The following PEX5L variants were observed in gnomAD, a reference collection of about 807,000 sequenced individuals.
The protein encoded by PEX5L is peroxisomal biogenesis factor 5 like, also known as PEX5-related protein.
PEX5L carries 30 observed loss-of-function variants against 84.0 expected under a neutral mutation model. That is an observed-to-expected ratio of 0.36 (90% CI 0.27 to 0.48). The LOEUF (loss-of-function observed/expected upper bound fraction) is 0.48. Among genes scored for constraint, PEX5L ranks in the 20% least tolerant of loss-of-function variants. The pLI is 0.99. For missense variants in PEX5L, 533 were observed against 754.6 expected (o/e 0.71, Z 3.44); for synonymous variants, 270 against 283.1 (o/e 0.95, Z 0.46).
At chr3:179,956,291 G>T (rs1314240215) in intron 2 of PEX5L, among the ~76,000 whole-genome samples, 1 of 152,020 alleles carries the variant, frequency 6.6e-6, no homozygotes, top group Non-Finnish European at 1.5e-5. Context: ...TTCTTTATCA[G>T]TTTAAGAGTT....
chr3:179,859,038 A>G (rs750836340), intron 8 of PEX5L, 24 bp downstream of exon 8: 3 of 1,530,476 alleles, frequency 2.0e-6, no homozygotes, highest in East Asian at 4.5e-5. Flanking sequence ...TGAAACAGAA[A>G]AAACTAATTT....
chr3:179,964,721 G>C (rs540310283), intron 2 of PEX5L, among the ~76,000 whole-genome samples: 1 of 152,220 alleles, frequency 6.6e-6, no homozygotes, highest in East Asian at 1.9e-4. Context: ...CTAATCACTA[G>C]AGAAATGCAT....
chr3:180,033,155 T>C (rs1179408628), intron 1 of PEX5L, among the ~76,000 whole-genome samples: 2 of 152,172 alleles, frequency 1.3e-5, no homozygotes, highest in African/African-American at 4.8e-5. Flanking sequence ...TAAAGTCATA[T>C]AGAAAAACAA....
At chr3:179,911,758 T>C (rs1765257935) in intron 2 of PEX5L, among the ~76,000 whole-genome samples, 1 of 152,156 alleles carries the variant, frequency 6.6e-6, no homozygotes, top group Admixed American at 6.5e-5. Context: ...GACTCCAAGG[T>C]ACCGTAAGAT....
At chr3:179,968,713 G>A (rs1783979594) in intron 2 of PEX5L, among the ~76,000 whole-genome samples, 1 of 131,886 alleles carries the variant, frequency 7.6e-6, no homozygotes, top group African/African-American at 2.7e-5. Context: ...GTGTGTGTGT[G>A]TGTGTGTGTC....
intron 7 of PEX5L, among the ~76,000 whole-genome samples, chr3:179,873,255 T>G (rs975781715): frequency 3.3e-5 from 5 of 152,224 alleles, no homozygotes; most frequent in African/African-American, 9.6e-5. Context: ...TGAGCTAATA[T>G]GTAAGAAGTC....
intron 2 of PEX5L, among the ~76,000 whole-genome samples, chr3:179,905,341 T>C (rs1433554021): frequency 4.0e-5 from 6 of 151,824 alleles, no homozygotes; most frequent in Non-Finnish European, 8.8e-5. Context: ...GGCGCGATCT[T>C]GGCTCACTGC....
intron 1 of PEX5L, among the ~76,000 whole-genome samples, chr3:180,009,401 A>G (rs1221921265): frequency 1.3e-5 from 2 of 152,218 alleles, no homozygotes; most frequent in African/African-American, 4.8e-5. Flanking sequence ...ATCACTTATT[A>G]GATTATATTC....
chr3:179,853,132 A>G (rs1183855796), intron 8 of PEX5L, among the ~76,000 whole-genome samples: 1 of 152,162 alleles, frequency 6.6e-6, no homozygotes, highest in Non-Finnish European at 1.5e-5. Context: ...GGTAAGCTAT[A>G]CTTGAGTGAT....
chr3:180,024,544 CAAA>C (rs59981273), intron 1 of PEX5L, among the ~76,000 whole-genome samples: 33 of 107,188 alleles, frequency 3.1e-4, no homozygotes, highest in African/African-American at 8.3e-4. Flanking sequence ...GACTCCGTTT[CAAA>C]AAAAAAAAAA....
intron 7 of PEX5L, among the ~76,000 whole-genome samples, chr3:179,868,770 T>G (rs538582921): frequency 6.6e-6 from 1 of 152,222 alleles, no homozygotes. Context: ...CCAAGCCTCT[T>G]CCTTTCTCCC....
chr3:179,944,470 C>G (rs529889128), intron 2 of PEX5L, among the ~76,000 whole-genome samples: 34 of 152,280 alleles, frequency 2.2e-4, no homozygotes, highest in African/African-American at 7.7e-4. Flanking sequence ...GGCTATCTCA[C>G]AAGACTGTTA....
At chr3:180,028,082 T>C (rs1482403109) in intron 1 of PEX5L, among the ~76,000 whole-genome samples, 2 of 152,204 alleles carry the variant, frequency 1.3e-5, no homozygotes, top group South Asian at 2.1e-4. Flanking sequence ...AAGTTCCTTT[T>C]TTTCTTTTGT....
chr3:179,971,391 C>T (rs1443813292), intron 2 of PEX5L, among the ~76,000 whole-genome samples: 8 of 152,076 alleles, frequency 5.3e-5, no homozygotes, highest in Non-Finnish European at 2.9e-5. Flanking sequence ...TTCTTACATA[C>T]AAAATATGCA....
chr3:179,888,098 A>T, intron 3 of PEX5L: 1 of 1,249,948 alleles, frequency 8.0e-7, no homozygotes, highest in Non-Finnish European at 1.1e-6. Context: ...CATAGTTGCT[A>T]AGGGCCAATC....
intron 1 of PEX5L, among the ~76,000 whole-genome samples, chr3:179,994,771 C>T (rs534186665): frequency 2.6e-5 from 4 of 152,198 alleles, no homozygotes; most frequent in Admixed American, 2.6e-4. Context: ...ATCTAATCAG[C>T]TGCCAGCGTG....
At chr3:179,915,597 G>C (rs377759173) in intron 2 of PEX5L, among the ~76,000 whole-genome samples, 1 of 152,166 alleles carries the variant, frequency 6.6e-6, no homozygotes, top group Non-Finnish European at 1.5e-5. Flanking sequence ...TGTTCTGCCA[G>C]GAGGAAGGTA....
intron 1 of PEX5L, among the ~76,000 whole-genome samples, chr3:180,034,480 T>G (rs1405448352): frequency 2.6e-5 from 4 of 152,272 alleles, no homozygotes; most frequent in South Asian, 4.1e-4. Context: ...GTCCATAGGC[T>G]AAATAATATT....
intron 2 of PEX5L, among the ~76,000 whole-genome samples, chr3:179,970,623 T>C (rs1482554716): frequency 6.6e-6 from 1 of 152,184 alleles, no homozygotes; most frequent in African/African-American, 2.4e-5. Flanking sequence ...AGCAAGTCTC[T>C]AAGTCAGTTA....
Sources: allele counts gnomAD v4.1 joint callset (sites outside exome capture counted in the v4.1 genomes callset), GRCh38; gene constraint gnomAD v4.1.1; transcripts MANE v1.5; gene names NCBI Gene and HGNC (gene_info 2026-07-23, HGNC 2026-07-21).